Variants in CELF4 observed in about 807,000 individuals in gnomAD.
CELF4 encodes CUG-BP- and ETR-3-like factor 4.
In CELF4, 18 loss-of-function variants were observed where a neutral mutation model predicts 59.9. The observed-to-expected ratio is 0.30, with a 90% CI of 0.21 to 0.45. CELF4 has a LOEUF of 0.45. Ranked by LOEUF, CELF4 falls within the 20% of genes least tolerant of loss-of-function variation. The pLI is 1.00. For synonymous variants in CELF4, 261 were observed against 267.1 expected (o/e 0.98, Z 0.22); for missense variants, 456 against 689.0 (o/e 0.66, Z 3.79).
At chr18:37,563,597 T>C (rs925402237) in intron 1 of CELF4, among the ~76,000 whole-genome samples, 17 of 152,242 alleles carry the variant, frequency 1.1e-4, no homozygotes, top group African/African-American at 3.9e-4. Context: ...AAGTGTTTTC[T>C]TTTTTTCTTC....
chr18:37,443,767 G>C (rs2099740068), intron 2 of CELF4, among the ~76,000 whole-genome samples: 1 of 152,106 alleles, frequency 6.6e-6, no homozygotes, highest in South Asian at 2.1e-4. Context: ...GGAATCCTGA[G>C]CCTCCTTCTG....
At chr18:37,434,559 A>G (rs1374121683) in intron 2 of CELF4, among the ~76,000 whole-genome samples, 1 of 152,158 alleles carries the variant, frequency 6.6e-6, no homozygotes, top group African/African-American at 2.4e-5. Flanking sequence ...TACACCAGCG[A>G]AGAGCAGCGA....
chr18:37,534,394 C>T (rs550421548), intron 1 of CELF4, among the ~76,000 whole-genome samples: 6 of 152,224 alleles, frequency 3.9e-5, no homozygotes, highest in South Asian at 2.1e-4. Context: ...CTGGGCAGGC[C>T]GCTGTCCCTC....
intron 2 of CELF4, among the ~76,000 whole-genome samples, chr18:37,434,426 A>AG (rs2099682281): frequency 6.6e-6 from 1 of 152,194 alleles, no homozygotes. Context: ...CTTGTTGGTC[A>AG]GGGGCTGGTA....
intron 2 of CELF4, among the ~76,000 whole-genome samples, chr18:37,354,443 G>A (rs1025360648): frequency 6.6e-6 from 1 of 152,184 alleles, no homozygotes; most frequent in Non-Finnish European, 1.5e-5. Context: ...GTGCCTGGGA[G>A]AACTGAGAGC....
intron 2 of CELF4, among the ~76,000 whole-genome samples, chr18:37,332,700 G>T (rs1396708456): frequency 2.6e-5 from 4 of 152,228 alleles, no homozygotes; most frequent in Non-Finnish European, 4.4e-5. Context: ...CCCTGCTAGG[G>T]GTTTGGAGCC....
At chr18:37,248,758 G>T (rs2063603069) in intron 12 of CELF4, among the ~76,000 whole-genome samples, 1 of 152,146 alleles carries the variant, frequency 6.6e-6, no homozygotes, top group South Asian at 2.1e-4. Flanking sequence ...ATAGTCCTCT[G>T]CTGCACCTGG....
intron 3 of CELF4, among the ~76,000 whole-genome samples, chr18:37,311,788 CAA>C (rs36044643): frequency 0.012 from 1,167 of 100,226 alleles, 14 homozygotes; most frequent in African/African-American, 0.042. Flanking sequence ...GACTCCGTCT[CAA>C]AAAAAAAAAA....
At chr18:37,545,377 C>T (rs78902013) in intron 1 of CELF4, among the ~76,000 whole-genome samples, 3,317 of 152,254 alleles carry the variant, frequency 0.022, 92 homozygotes, top group African/African-American at 0.065. Context: ...TGGGCTGGGG[C>T]CAGGCTTGGG....
intron 1 of CELF4, among the ~76,000 whole-genome samples, chr18:37,492,868 G>T (rs934478285): frequency 6.6e-6 from 1 of 152,096 alleles, no homozygotes; most frequent in Non-Finnish European, 1.5e-5. Context: ...GGCCCTTGGG[G>T]CTCAGCAGGA....
intron 1 of CELF4, among the ~76,000 whole-genome samples, chr18:37,493,864 C>T (rs2099921755): frequency 6.6e-6 from 1 of 152,116 alleles, no homozygotes; most frequent in African/African-American, 2.4e-5. Context: ...AGAACATGGC[C>T]CATTCTAGAG....
intron 2 of CELF4, among the ~76,000 whole-genome samples, chr18:37,339,629 C>G (rs1432944947): frequency 1.3e-5 from 2 of 152,004 alleles, no homozygotes; most frequent in African/African-American, 4.8e-5. Flanking sequence ...TAGCACACAT[C>G]TGTAATCCCA....
chr18:37,505,131 G>C (rs1033414799), intron 1 of CELF4, among the ~76,000 whole-genome samples: 9 of 151,674 alleles, frequency 5.9e-5, no homozygotes, highest in African/African-American at 2.2e-4. Context: ...GAGAAGCAGG[G>C]GCAGGGGGCA....
intron 2 of CELF4, among the ~76,000 whole-genome samples, chr18:37,459,346 G>A (rs1369164654): frequency 6.8e-6 from 1 of 147,398 alleles, no homozygotes; most frequent in East Asian, 2.0e-4. Context: ...CTCTCCCAGA[G>A]TTAATGGTCT....
At position 37,265,032 on chromosome 18, in the gene CELF4, C is replaced by T. The variant is rs189254181; in HGVS notation, c.1166-275G>A. Among the ~76,000 whole-genome samples, 64 of 146,532 alleles carry T rather than the reference C, an allele frequency of 4.4e-4. No individual in the cohort carries two copies. The East Asian group carries it at 0.011, about 24-fold the overall frequency. ...ATGTACGTGTGGGGATGTGTGTGTA[C>T]GTGTGTGTGTACATTACATGTGTAC... On this transcript the variant is annotated intron_variant, in intron 9 of 12. Coordinates refer to ENST00000420428, the MANE Select transcript of CELF4 (RefSeq NM_020180.4).
chr18:37,247,941 G>A (rs1015623690), intron 12 of CELF4, among the ~76,000 whole-genome samples: 1 of 152,162 alleles, frequency 6.6e-6, no homozygotes, highest in African/African-American at 2.4e-5. Context: ...ACAGCCTGTG[G>A]GCCAGCAGGG....
intron 2 of CELF4, among the ~76,000 whole-genome samples, chr18:37,331,604 T>C (rs1024177514): frequency 1.3e-5 from 2 of 152,056 alleles, no homozygotes; most frequent in Non-Finnish European, 2.9e-5. Flanking sequence ...CTCAGAGGCA[T>C]GAGCGAACTG....
chr18:37,390,828 C>G (rs138564774), intron 2 of CELF4, among the ~76,000 whole-genome samples: 1 of 146,262 alleles, frequency 6.8e-6, no homozygotes, highest in Non-Finnish European at 1.5e-5. Context: ...TGCTGCTGGC[C>G]GGCACAGCAG....
At chr18:37,441,965 C>G (rs9965925) in intron 2 of CELF4, among the ~76,000 whole-genome samples, 2,928 of 82,602 alleles carry the variant, frequency 0.035, 95 homozygotes, top group African/African-American at 0.11. Flanking sequence ...GTGCGTCACC[C>G]AAACCGCAAA....
Sources: allele counts gnomAD v4.1 joint callset (sites outside exome capture counted in the v4.1 genomes callset), GRCh38; gene constraint gnomAD v4.1.1; transcripts MANE v1.5; gene names NCBI Gene and HGNC (gene_info 2026-07-23, HGNC 2026-07-21).